The following MRTFB variants were observed in gnomAD, a reference collection of about 807,000 sequenced individuals.
The protein encoded by MRTFB is myocardin related transcription factor B.
MRTFB carries 29 observed loss-of-function variants against 104.2 expected under a neutral mutation model. The ratio of observed to expected loss-of-function variants is 0.28; its 90% CI spans 0.21 to 0.38. The LOEUF is 0.38. MRTFB is among the 10% of genes least tolerant of loss of function. The probability of loss-of-function intolerance (pLI) is 1.00; values close to 1 mark genes in which losing one functional copy is unlikely to be tolerated. For missense variants in MRTFB, 1,270 were observed against 1,341.6 expected (o/e 0.95, Z 0.83); for synonymous variants, 535 against 519.5 (o/e 1.03, Z -0.41).
intron 3 of MRTFB, chr16:14,152,154 G>A (rs2038644785): frequency 6.6e-6 from 1 of 152,088 alleles, no homozygotes; most frequent in Admixed American, 6.5e-5. Flanking sequence ...TGTGTTCTGA[G>A]TTGTCTTCTA....
At chr16:14,008,876 TG>T in the MRTFB span, among the ~76,000 whole-genome samples, 4 of 151,390 alleles carry the variant, frequency 2.6e-5, no homozygotes, top group African/African-American at 7.3e-5. Context: ...AGTTTTGCAA[TG>T]TAAAAAGCCT....
At chr16:14,151,140 C>T (rs543289413) in intron 3 of MRTFB, 2 of 152,292 alleles carry the variant, frequency 1.3e-5, no homozygotes, top group African/African-American at 4.8e-5. Flanking sequence ...ATATCCACTA[C>T]AGTTGATTTA....
chr16:14,195,542 T>C, intron 3 of MRTFB: 2 of 985,462 alleles, frequency 2.0e-6, no homozygotes, highest in Non-Finnish European at 2.4e-6. Context: ...ATACTGAGTC[T>C]GGATCATCTG....
intron 2 of MRTFB, among the ~76,000 whole-genome samples, chr16:14,088,146 A>G (rs1240638467): frequency 6.6e-6 from 1 of 152,158 alleles, no homozygotes. Context: ...ATGGCCGGTG[A>G]CTGTTACTTA....
intron 2 of MRTFB, among the ~76,000 whole-genome samples, chr16:14,094,935 A>G (rs750477558): frequency 2.0e-5 from 3 of 152,210 alleles, no homozygotes; most frequent in East Asian, 1.9e-4. Context: ...ATTTGCTTGT[A>G]TGATAAACAC....
chr16:14,016,338 G>C, the MRTFB span, among the ~76,000 whole-genome samples: 3 of 151,390 alleles, frequency 2.0e-5, no homozygotes, highest in Admixed American at 2.0e-4. Context: ...AAAATGACAT[G>C]GAACTTGCAA....
chr16:14,214,897 C>T (rs1236296103), intron 6 of MRTFB: 1 of 152,138 alleles, frequency 6.6e-6, no homozygotes, highest in African/African-American at 2.4e-5. Context: ...AGGTATGTCC[C>T]TTTCTCTACT....
chr16:14,069,012 C>T (rs2033550080), upstream of MRTFB, among the ~76,000 whole-genome samples: 2 of 141,402 alleles, frequency 1.4e-5, no homozygotes, highest in South Asian at 4.6e-4. Context: ...ACTTGATGCC[C>T]AGGCTGGAGT....
rs1288527444 is a variant in MRTFB, at chr16:14,261,257, C to A, written c.3113C>A (p.Thr1038Asn). 1.9e-6 allele frequency: 3 copies of A among 1,614,064 alleles called. No homozygotes were observed. The African/African-American group carries it at 4.0e-5, about 22-fold the overall frequency. ...HSHSPMETSE[T>N]QFAAGTPCLS... ...CACTCACCCATGGAGACTTCCGAGA[C>A]CCAGTTTGCTGCAGGTACTCCCTGT... Residue 1038 changes from threonine (T) to asparagine (N), a missense_variant, in exon 17 of 17, where the codon ACC becomes AAC. Thr to Asn is a moderately conservative substitution (Grantham distance 65). Transcript: ENST00000571589.
intron 3 of MRTFB, chr16:14,141,237 CAT>C (rs535202523): frequency 1.7e-4 from 26 of 153,222 alleles, no homozygotes; most frequent in Non-Finnish European, 2.3e-4. Flanking sequence ...TGGATATAGT[CAT>C]ATTCTCAGTC....
At chr16:14,225,851 A>G (rs1423647727) in intron 8 of MRTFB, among the ~76,000 whole-genome samples, 1 of 152,134 alleles carries the variant, frequency 6.6e-6, no homozygotes, top group Non-Finnish European at 1.5e-5. Flanking sequence ...ACATCTTCAG[A>G]CTTTCTTGTC....
chr16:14,258,392 C>G (rs891145390), intron 16 of MRTFB, among the ~76,000 whole-genome samples: 6 of 152,036 alleles, frequency 3.9e-5, no homozygotes, highest in Non-Finnish European at 7.4e-5. Context: ...CCCAGGAGTT[C>G]GAGACCAGCT....
intron 13 of MRTFB, among the ~76,000 whole-genome samples, chr16:14,249,471 C>G (rs138742689): frequency 0.015 from 2,305 of 152,224 alleles, 73 homozygotes; most frequent in Admixed American, 0.085. Context: ...AAAGATACTC[C>G]CAAAATGTTT....
At chr16:14,123,103 C>T (rs971831674) in intron 2 of MRTFB, among the ~76,000 whole-genome samples, 7 of 152,160 alleles carry the variant, frequency 4.6e-5, no homozygotes, top group Non-Finnish European at 7.3e-5. Context: ...TGAGAAGTGT[C>T]GGTTCACACC....
chr16:14,005,925 C>G, the MRTFB span, among the ~76,000 whole-genome samples: 1 of 152,192 alleles, frequency 6.6e-6, no homozygotes, highest in Admixed American at 6.5e-5. Flanking sequence ...ATGAATGTTA[C>G]GGCTGGGTGT....
chr16:14,142,721 A>C (rs2038075564), intron 3 of MRTFB: 1 of 152,248 alleles, frequency 6.6e-6, no homozygotes, highest in South Asian at 2.1e-4. Context: ...TTATAAAATC[A>C]GAACACACAG....
At position 14,218,822 on chromosome 16, in the gene MRTFB, G is replaced by A. The variant is rs115834470; in HGVS notation, c.517G>A (p.Val173Ile). 5.7e-6 allele frequency: 9 copies of A among 1,581,208 alleles called. No homozygotes were observed. The highest frequency in any genetic ancestry group is 4.6e-5 in the East Asian group (2 of 43,464). Reference sequence around the variant, plus strand: ...TCAAAAATCATTTCTTTCTTTAGGCGTTGGGAAGGAGGACTATCCCCACAC... The same window carrying A: ...TCAAAAATCATTTCTTTCTTTAGGCATTGGGAAGGAGGACTATCCCCACAC... ...DSSVKEAIIG[V>I]GKEDYPHTQG... The change falls in exon 8 of 17, where the codon GTT becomes ATT. Residue 173 changes from valine (V) to isoleucine (I), a missense_variant and splice_region_variant. This residue lies in a region of MRTFB where 64 missense variants were observed against 152.9 expected (regional missense o/e 0.42). Transcript: ENST00000571589.
chr16:14,154,201 G>A (rs1045400183), intron 3 of MRTFB, among the ~76,000 whole-genome samples: 10 of 152,088 alleles, frequency 6.6e-5, no homozygotes, highest in African/African-American at 2.4e-4. Context: ...CAAGCATGAT[G>A]ACACACACCT....
At chr16:14,004,997 G>A in the MRTFB span, among the ~76,000 whole-genome samples, 2 of 152,240 alleles carry the variant, frequency 1.3e-5, no homozygotes, top group Non-Finnish European at 2.9e-5. Flanking sequence ...CTGGGCCAAG[G>A]CATCCAACTC....
Sources: gnomAD v4.1 joint callset for allele counts (sites outside exome capture counted in the v4.1 genomes callset) on GRCh38, gnomAD v4.1.1 for gene constraint, gnomAD v4.1.1 regional missense constraint, MANE v1.5 for transcripts, NCBI Gene and HGNC (gene_info 2026-07-23, HGNC 2026-07-21) for gene names.